PXYLP1: variants seen among roughly 807,000 people sequenced by gnomAD.
PXYLP1 encodes 2-phosphoxylose phosphatase 1, also known as acid phosphatase-like 2.
Under a neutral mutation model 37.9 loss-of-function variants are expected in PXYLP1, and 17 were observed. The ratio of observed to expected loss-of-function variants is 0.45; its 90% CI spans 0.31 to 0.67. The LOEUF (loss-of-function observed/expected upper bound fraction) is 0.67. Among genes scored for constraint, PXYLP1 ranks in the 30% least tolerant of loss-of-function variants. The pLI is 0.07. For missense variants in PXYLP1, 511 were observed against 612.0 expected (o/e 0.84, Z 1.74); for synonymous variants, 221 against 232.2 (o/e 0.95, Z 0.44).
Position 141,292,294 on chromosome 3 carries a change from C to A in PXYLP1, c.532C>A (p.Gln178Lys). 1.2e-6 allele frequency: 2 copies of A among 1,601,210 alleles called. No homozygotes were observed. Among genetic ancestry groups the A allele is most frequent in the South Asian group, 2.2e-5 (2 of 89,500 alleles). ...TGVVQHLQNGQLLRDIYLKKH... is the reference protein window; with the variant it reads ...TGVVQHLQNGKLLRDIYLKKH... Reference sequence around the variant, plus strand: ...AGTTGTGCAGCATTTGCAGAACGGTCAGCTGCTGAGGGATATCTATCTAAA... The same window carrying A: ...AGTTGTGCAGCATTTGCAGAACGGTAAGCTGCTGAGGGATATCTATCTAAA... Residue 178 changes from glutamine to lysine, a missense_variant, in exon 6 of 6, where the codon CAG becomes AAG. By Grantham distance (53) the Gln-to-Lys change is moderately conservative (BLOSUM62 1). Transcript: ENST00000286353. This position sits in a 1 kb window ranked among gnomAD's most constrained non-coding sequence, Gnocchi z 4.3.
At chr3:141,267,606 T>A (rs1386974662) in intron 2 of PXYLP1, 2 of 120,120 alleles carry the variant, frequency 1.7e-5, no homozygotes, top group African/African-American at 3.1e-5. Context: ...TAGAGTTAAA[T>A]ATCTGCAGGT....
At chr3:141,265,909 A>G (rs1338458286) in intron 2 of PXYLP1, among the ~76,000 whole-genome samples, 1 of 152,214 alleles carries the variant, frequency 6.6e-6, no homozygotes, top group Non-Finnish European at 1.5e-5. Context: ...GGGCCTAAGC[A>G]GCAGGACAAT....
chr3:141,254,454 T>C (rs769773035), intron 1 of PXYLP1, among the ~76,000 whole-genome samples: 2 of 152,168 alleles, frequency 1.3e-5, no homozygotes. Flanking sequence ...AGCCTGCAAA[T>C]TAAGTGGAGA....
At chr3:141,234,230 G>C (rs1021993578) in intron 1 of PXYLP1, 6 of 151,880 alleles carry the variant, frequency 4.0e-5, no homozygotes, top group Non-Finnish European at 7.4e-5. Flanking sequence ...TGCAATCTAC[G>C]GATCAGTCTC....
intron 2 of PXYLP1, chr3:141,267,722 T>C (rs1004406533): frequency 2.6e-5 from 4 of 152,092 alleles, no homozygotes; most frequent in African/African-American, 9.7e-5. Context: ...AGTGGGAAGG[T>C]GAGAGTGTCA....
chr3:141,273,079 G>A (rs531979305), intron 2 of PXYLP1: 11 of 985,374 alleles, frequency 1.1e-5, no homozygotes, highest in Admixed American at 6.1e-5. Context: ...AGGGGGCCCC[G>A]TGCCTGAGAA....
At chr3:141,260,896 G>A (rs995140586) in intron 2 of PXYLP1, among the ~76,000 whole-genome samples, 8 of 152,208 alleles carry the variant, frequency 5.3e-5, no homozygotes, top group African/African-American at 1.9e-4. Context: ...ACACCTCAGT[G>A]GTGGCCCATG....
At chr3:141,271,794 C>G (rs1445865604) in intron 2 of PXYLP1, among the ~76,000 whole-genome samples, 1 of 152,188 alleles carries the variant, frequency 6.6e-6, no homozygotes, top group African/African-American at 2.4e-5. Context: ...ATTAGCACAG[C>G]TGCCTAGAGT....
chr3:141,275,811 T>C (rs1250582880), intron 2 of PXYLP1, among the ~76,000 whole-genome samples: 1 of 132,654 alleles, frequency 7.5e-6, no homozygotes, highest in South Asian at 2.4e-4. Context: ...AAAAAAAAAA[T>C]GCTTACCTAG....
intron 4 of PXYLP1, among the ~76,000 whole-genome samples, chr3:141,280,205 T>A (rs1318564771): frequency 6.6e-6 from 1 of 152,188 alleles, no homozygotes; most frequent in Non-Finnish European, 1.5e-5. Flanking sequence ...GTGAATGAGG[T>A]CAGGAGATGA....
At chr3:141,259,405 T>TTC (rs1553752540) in intron 1 of PXYLP1, among the ~76,000 whole-genome samples, 4 of 151,254 alleles carry the variant, frequency 2.6e-5, no homozygotes, top group Admixed American at 6.6e-5. Flanking sequence ...TTTTTTTTTT[T>TTC]CCCACAGAAG....
At chr3:141,274,000 C>T in intron 2 of PXYLP1, 1 of 985,852 alleles carries the variant, frequency 1.0e-6, no homozygotes, top group South Asian at 4.7e-5. Context: ...CTTTCTGATG[C>T]CCCCACAGCC....
At chr3:141,277,123 T>C (rs563032367) in intron 2 of PXYLP1, among the ~76,000 whole-genome samples, 1 of 152,348 alleles carries the variant, frequency 6.6e-6, no homozygotes, top group Admixed American at 6.5e-5. Flanking sequence ...TCTCTCAGTG[T>C]GTTGCCTTTT....
chr3:141,238,378 C>T (rs996766622), intron 1 of PXYLP1, among the ~76,000 whole-genome samples: 5 of 152,206 alleles, frequency 3.3e-5, no homozygotes, highest in South Asian at 2.1e-4. Flanking sequence ...GGAGCTGGCA[C>T]GGCCTCCAGC....
chr3:141,253,323 C>CTG (rs1941187577), intron 1 of PXYLP1, among the ~76,000 whole-genome samples: 2 of 152,206 alleles, frequency 1.3e-5, no homozygotes, highest in Admixed American at 6.5e-5. Flanking sequence ...CCAGCTCCGC[C>CTG]TGTGTGGCCT....
chr3:141,262,344 A>G, intron 2 of PXYLP1: 2 of 1,017,506 alleles, frequency 2.0e-6, no homozygotes, highest in Non-Finnish European at 2.4e-6. Flanking sequence ...AAGTGTGGTA[A>G]GATATTCAGT....
At chr3:141,284,412 C>T (rs1017769608) in intron 4 of PXYLP1, among the ~76,000 whole-genome samples, 11 of 152,148 alleles carry the variant, frequency 7.2e-5, no homozygotes, top group African/African-American at 2.2e-4. Flanking sequence ...TTGGCGAATG[C>T]GGCTTTACCT....
At chr3:141,247,535 A>C (rs1940988850) in intron 1 of PXYLP1, among the ~76,000 whole-genome samples, 1 of 152,198 alleles carries the variant, frequency 6.6e-6, no homozygotes, top group Non-Finnish European at 1.5e-5. Context: ...ATTATATCAC[A>C]ATCAGTGATA....
intron 2 of PXYLP1, among the ~76,000 whole-genome samples, chr3:141,263,591 T>C (rs1372339807): frequency 6.6e-6 from 1 of 152,258 alleles, no homozygotes; most frequent in African/African-American, 2.4e-5. Flanking sequence ...TTTCCACTTT[T>C]TGTGCTCATT....
Sources: allele counts gnomAD v4.1 joint callset (sites outside exome capture counted in the v4.1 genomes callset), GRCh38; gene constraint gnomAD v4.1.1; non-coding constraint Gnocchi (gnomAD v3.1); transcripts MANE v1.5; gene names NCBI Gene and HGNC (gene_info 2026-07-23, HGNC 2026-07-21).